The following ALDH1L2 variants were observed in gnomAD, a reference collection of about 807,000 sequenced individuals.
ALDH1L2 encodes the protein mitochondrial 10-formyltetrahydrofolate dehydrogenase.
In ALDH1L2, 91 loss-of-function variants were observed where a neutral mutation model predicts 111.0. The observed-to-expected ratio is 0.82, with a 90% confidence interval of 0.69 to 0.98. The LOEUF (loss-of-function observed/expected upper bound fraction) is 0.98. ALDH1L2 is among the 50% of genes least tolerant of loss of function. The probability of loss-of-function intolerance (pLI) is 0.00; values close to 1 mark genes in which losing one functional copy is unlikely to be tolerated. For missense variants in ALDH1L2, 995 were observed against 1,126.8 expected, an observed-to-expected ratio of 0.88 and a Z score of 1.67; for synonymous variants, 374 against 392.6, an observed-to-expected ratio of 0.95 and a Z score of 0.56.
rs1428797568 is a variant in ALDH1L2, at chr12:105,035,876, C to CATATAT, written c.2146-1479_2146-1478insATATAT. On this transcript the variant is annotated intron_variant, in intron 18 of 22. Transcript: ENST00000258494. ...GTGTGTGTGTGTGTGTATACACACA[C>CATATAT]ACATATATATACGTATATTTATATG... 4.0e-4 allele frequency among the ~76,000 whole-genome samples: 48 copies of CATATAT among 118,956 alleles called. 2 individuals are homozygous for CATATAT. The highest frequency in any genetic ancestry group is 1.8e-3 in the African/African-American group (45 of 25,076). The allele number at this position is 118,956 out of a possible 152,430, so 78.0% of individuals were successfully genotyped here. A position where few individuals can be genotyped will look rare whatever the true frequency, so the allele number is the denominator to read the frequency against.
intron 1 of ALDH1L2, among the ~76,000 whole-genome samples, chr12:105,081,858 C>G (rs144584943): frequency 6.6e-6 from 1 of 152,164 alleles, no homozygotes; most frequent in Admixed American, 6.5e-5. Flanking sequence ...TGCTTTAATA[C>G]TAAACTTAAA....
intron 17 of ALDH1L2, among the ~76,000 whole-genome samples, chr12:105,039,215 C>T (rs532723433): frequency 1.3e-5 from 2 of 151,954 alleles, no homozygotes; most frequent in Non-Finnish European, 2.9e-5. Context: ...CAACACTTTT[C>T]AATGTTATTA....
At chr12:105,053,263 C>T (rs1876409459) in intron 10 of ALDH1L2, among the ~76,000 whole-genome samples, 1 of 152,234 alleles carries the variant, frequency 6.6e-6, no homozygotes, top group African/African-American at 2.4e-5. Flanking sequence ...TGGAGCGCAG[C>T]TGTTGCCTTC....
intron 7 of ALDH1L2, 97 bp downstream of exon 7, chr12:105,062,791 C>T: frequency 6.1e-6 from 9 of 1,465,974 alleles, no homozygotes; most frequent in South Asian, 1.4e-5. Flanking sequence ...CCAGCTCCTC[C>T]CCAGCCAGCA....
chr12:105,075,767 T>C lies in ALDH1L2; in HGVS notation c.49-1762A>G, dbSNP rs149303473. ...ATGAGTTAGCAAGATTCCAGAAAAT[T>C]GGACTGATATATTTTACTTTATTTA... On this transcript the variant is annotated intron_variant, in intron 1 of 22. Transcript: ENST00000258494. Among the ~76,000 whole-genome samples the C allele has an allele frequency of 4.6e-3, 695 of 152,248 alleles. 9 individuals are homozygous for C. The highest frequency in any genetic ancestry group is 0.016 in the African/African-American group (654 of 41,550).
intron 22 of ALDH1L2, among the ~76,000 whole-genome samples, 170 bp from the exon 23 acceptor site, chr12:105,024,649 G>A (rs568042485): frequency 6.6e-6 from 1 of 152,348 alleles, no homozygotes; most frequent in African/African-American, 2.4e-5. Flanking sequence ...TGAAGACTCT[G>A]TTAAGTTGCA....
intron 19 of ALDH1L2, among the ~76,000 whole-genome samples, chr12:105,033,469 G>A (rs1305656383): frequency 6.6e-6 from 1 of 152,110 alleles, no homozygotes; most frequent in Non-Finnish European, 1.5e-5. Flanking sequence ...CCATCTGCCT[G>A]TCTATATGAC....
intron 1 of ALDH1L2, among the ~76,000 whole-genome samples, chr12:105,084,115 C>T (rs1325746355): frequency 6.6e-6 from 1 of 152,184 alleles, no homozygotes; most frequent in Non-Finnish European, 1.5e-5. Context: ...CCATCCCAGC[C>T]AGACTTGACA....
intron 9 of ALDH1L2, among the ~76,000 whole-genome samples, chr12:105,059,588 G>A (rs1876862474): frequency 6.6e-6 from 1 of 152,136 alleles, no homozygotes; most frequent in Non-Finnish European, 1.5e-5. Flanking sequence ...ATAATTTGAG[G>A]AGCCGAAACT....
intron 2 of ALDH1L2, among the ~76,000 whole-genome samples, chr12:105,072,769 T>A (rs1877810219): frequency 6.6e-6 from 1 of 150,842 alleles, no homozygotes; most frequent in African/African-American, 2.4e-5. Flanking sequence ...AGAGCAGGAG[T>A]TCAAGACCAG....
chr12:105,054,028 A>C (rs1186671356), intron 10 of ALDH1L2, among the ~76,000 whole-genome samples: 1 of 152,126 alleles, frequency 6.6e-6, no homozygotes, highest in Non-Finnish European at 1.5e-5. Context: ...AGGAGAATCA[A>C]ATTATATACT....
chr12:105,079,039 A>G (rs184936058), intron 1 of ALDH1L2, among the ~76,000 whole-genome samples: 1 of 152,204 alleles, frequency 6.6e-6, no homozygotes, highest in African/African-American at 2.4e-5. Context: ...TTTAAGCAGG[A>G]GAGTTAATTG....
At chr12:105,042,249 C>G (rs1005327088) in intron 15 of ALDH1L2, among the ~76,000 whole-genome samples, 1 of 152,158 alleles carries the variant, frequency 6.6e-6, no homozygotes, top group Non-Finnish European at 1.5e-5. Flanking sequence ...ATTTGTCATT[C>G]TCTTCTCCAA....
chr12:105,040,593 A>G lies in ALDH1L2; in HGVS notation c.1951+14T>C. On this transcript the variant is annotated intron_variant, in intron 16 of 22. Transcript: ENST00000258494. ...TTCATTAGTTATAGCACAGTCGGTC[A>G]TTTAGTGGCTTACCTGAGCCTGGAA... is the stretch of plus-strand genomic sequence containing the variant. 4 of 1,613,714 alleles carry G rather than the reference A, an allele frequency of 2.5e-6. No individual in the cohort carries two copies. Among genetic ancestry groups the G allele is most frequent in the Non-Finnish European group, 2.5e-6 (3 of 1,179,612 alleles).
At position 105,049,873 on chromosome 12, in the gene ALDH1L2, C is replaced by T. The variant is rs199788344; in HGVS notation, c.1686+35G>A. 44 of 1,585,600 alleles carry T rather than the reference C, an allele frequency of 2.8e-5. No individual in the cohort carries two copies. The Middle Eastern group carries it at 5.0e-4, about 18-fold the overall frequency. On this transcript the variant is annotated intron_variant, in intron 13 of 22. Transcript: ENST00000258494. ...GGTACAAACTAATCAATGTTAGTCC[C>T]TTTTTCTTTCAGAACAAATAATATT...
intron 1 of ALDH1L2, among the ~76,000 whole-genome samples, chr12:105,077,065 A>G (rs1274134288): frequency 1.3e-5 from 2 of 152,214 alleles, no homozygotes; most frequent in African/African-American, 4.8e-5. Context: ...AAAGAAAAAC[A>G]TAGCAACAGT....
At chr12:105,035,646 C>T (rs1163415709) in intron 18 of ALDH1L2, among the ~76,000 whole-genome samples, 4 of 151,994 alleles carry the variant, frequency 2.6e-5, no homozygotes. Context: ...GAAAGCCTCT[C>T]TAACCCCCTC....
chr12:105,061,636 C>T lies in ALDH1L2; in HGVS notation c.1038G>A (p.Glu346=), dbSNP rs1410553607. ...GTCATCATGTGTTCACCTTGATGGT[C>T]TCTGCCACTTTCACCTCTTCAGCTG... The part of the protein sequence containing the change: ...ELTAEEVKVA[E]TIKVIWAGIL... The change falls in exon 8 of 23, where the codon GAG becomes GAA. Residue 346 remains glutamate, a synonymous_variant. Coordinates refer to ENST00000258494, the MANE Select transcript of ALDH1L2 (RefSeq NM_001034173.4). The T allele has an allele frequency of 5.0e-6, 8 of 1,614,120 alleles. No homozygotes were observed. Among genetic ancestry groups the T allele is most frequent in the Non-Finnish European group, 6.8e-6 (8 of 1,180,010 alleles).
rs146023221 is a variant in ALDH1L2 at position 105,046,764 on chromosome 12, C to G, written c.1809G>C (p.Trp603Cys). The G allele has an allele frequency of 1.2e-6, 2 of 1,614,172 alleles. No individual in the cohort carries two copies. The highest frequency in any genetic ancestry group is 1.1e-5 in the South Asian group (1 of 91,084). ...CTGCTGCCAAACACGCAGCACTCTT[C>G]CATGCCAGCATCATCAGCGGGTAGT... ...PWNYPLMMLA[W>C]KSAACLAAGN... is the part of the protein sequence containing the mutation. Residue 603 changes from tryptophan (W) to cysteine (C), a missense_variant, in exon 15 of 23, where the codon TGG (tryptophan) becomes TGC (cysteine). Coordinates refer to ENST00000258494, the MANE Select transcript of ALDH1L2 (RefSeq NM_001034173.4).
Sources: allele counts gnomAD v4.1 joint callset (sites outside exome capture counted in the v4.1 genomes callset), GRCh38; gene constraint gnomAD v4.1.1; transcripts MANE v1.5; gene names NCBI Gene and HGNC (gene_info 2026-07-23, HGNC 2026-07-21).